The following NUP107 variants were observed in gnomAD, a reference collection of about 807,000 sequenced individuals.
The protein encoded by NUP107 is nuclear pore complex protein Nup107.
A neutral mutation model predicts 141.0 loss-of-function variants in NUP107; 101 were observed. That is an observed-to-expected ratio of 0.72 (90% CI 0.61 to 0.84). The LOEUF is 0.84. Among genes scored for constraint, NUP107 ranks in the 40% least tolerant of loss-of-function variants. The pLI is 0.00. For missense variants in NUP107, 941 were observed against 1,102.7 expected, an observed-to-expected ratio of 0.85 and a Z score of 2.08; for synonymous variants, 319 against 363.9, an observed-to-expected ratio of 0.88 and a Z score of 1.41.
intron 5 of NUP107, among the ~76,000 whole-genome samples, chr12:68,696,425 C>T (rs555700161): frequency 1.1e-3 from 159 of 141,776 alleles, no homozygotes; most frequent in African/African-American, 3.9e-3. Context: ...TTTAAATTTT[C>T]AAACAGGCTG....
At position 68,710,068 on chromosome 12, in the gene NUP107, G is replaced by T; in HGVS notation, c.865G>T (p.Glu289Ter). The T allele has an allele frequency of 6.3e-7, 1 of 1,579,780 alleles. No homozygotes were observed. The highest frequency in any genetic ancestry group is 1.1e-5 in the South Asian group (1 of 90,158). The change falls in exon 10 of 28, where the codon GAG becomes TAG. Residue 289 changes from glutamate to a stop codon, truncating the protein, a stop_gained. Transcript: ENST00000229179. LOFTEE classifies it high-confidence loss of function. Reference sequence around the variant, plus strand: ...AATTGGAGAATTTTCTGATAATATTGAGTTTTATGCAAAATCAGTATATTG... The same window carrying T: ...AATTGGAGAATTTTCTGATAATATTTAGTTTTATGCAAAATCAGTATATTG... The part of the protein sequence containing the change: ...DEIGEFSDNI[E>*]FYAKSVYWEN...
At chr12:68,729,363 A>G (rs1240713763) in intron 20 of NUP107, among the ~76,000 whole-genome samples, 2 of 152,156 alleles carry the variant, frequency 1.3e-5, no homozygotes, top group African/African-American at 2.4e-5. Context: ...AGATTCATAT[A>G]TATTTTATAG....
At chr12:68,706,671 G>T in intron 8 of NUP107, 1 of 730,720 alleles carries the variant, frequency 1.4e-6, no homozygotes, top group Non-Finnish European at 2.6e-6. Context: ...GGCAGTTAAG[G>T]ATGCCAACAC....
At chr12:68,716,236 TCTTTC>T (rs1565695709) in intron 12 of NUP107, among the ~76,000 whole-genome samples, 1 of 128,430 alleles carries the variant, frequency 7.8e-6, no homozygotes, top group Non-Finnish European at 1.7e-5. Context: ...TTTCTTTCTT[TCTTTC>T]TTTCTTTTTT....
intron 26 of NUP107, among the ~76,000 whole-genome samples, chr12:68,737,940 G>A (rs139571546): frequency 3.2e-4 from 48 of 152,194 alleles, no homozygotes; most frequent in Admixed American, 2.7e-3. Flanking sequence ...CCAGGAATTC[G>A]AGACCAGCCT....
chr12:68,700,887 CAT>C, intron 7 of NUP107, 34 bp downstream of exon 7: 1 of 1,517,878 alleles, frequency 6.6e-7, no homozygotes. Context: ...GTGAAATAAA[CAT>C]AAGGTAATAA....
chr12:68,701,266 A>G (rs1344017684), intron 7 of NUP107, among the ~76,000 whole-genome samples: 1 of 152,252 alleles, frequency 6.6e-6, no homozygotes. Flanking sequence ...AATGAGAAAT[A>G]TATACAACCA....
chr12:68,731,630 A>T lies in NUP107; in HGVS notation c.1909A>T (p.Lys637Ter), dbSNP rs1363831428. 1.3e-6 allele frequency: 2 copies of T among 1,571,112 alleles called. No individual in the cohort carries two copies. The highest frequency in any genetic ancestry group is 2.8e-5 in the African/African-American group (2 of 72,168). The change falls in exon 22 of 28, where the codon AAA becomes TAA. Residue 637 changes from lysine to a stop codon, truncating the protein, a stop_gained. Transcript: ENST00000229179. LOFTEE classifies it high-confidence loss of function. Reference sequence around the variant, plus strand: ...AGATTTGGATGTTGCAACAATAACAAAAACTGTAGTTGAGAATATTCGAAA... The same window carrying T: ...AGATTTGGATGTTGCAACAATAACATAAACTGTAGTTGAGAATATTCGAAA... ...EADLDVATIT[K>*]TVVENIRKKD...
rs1876394198 is a variant in NUP107 at position 68,702,770 on chromosome 12, G to A, written c.715G>A (p.Val239Ile). The A allele has an allele frequency of 6.5e-7, 1 of 1,534,346 alleles. No individual in the cohort carries two copies. Among genetic ancestry groups the A allele is most frequent in the Non-Finnish European group, 8.8e-7 (1 of 1,133,540 alleles). Residue 239 changes from valine (V) to isoleucine (I), a missense_variant, in exon 8 of 28, where the codon GTA (valine) becomes ATA (isoleucine). Physicochemically the swap from Val to Ile is conservative, Grantham distance 29. Transcript: ENST00000229179. Reference sequence around the variant, plus strand: ...ACAGTCTGCATTAGAAGAGGAAAGTGTATTCGCAGTTACTGTAAGTTTTAT... The same window carrying A: ...ACAGTCTGCATTAGAAGAGGAAAGTATATTCGCAGTTACTGTAAGTTTTAT... ...RIQSALEEES[V>I]FAVTAVNASE...
At chr12:68,701,004 G>A (rs1876303454) in intron 7 of NUP107, 151 bp downstream of exon 7, 1 of 706,076 alleles carries the variant, frequency 1.4e-6, no homozygotes, top group East Asian at 3.1e-5. Context: ...TCAAGAGTGA[G>A]TCAAGAGGGA....
At chr12:68,734,321 ATAAT>A (rs1339509541) in intron 24 of NUP107, among the ~76,000 whole-genome samples, 5 of 152,172 alleles carry the variant, frequency 3.3e-5, no homozygotes, top group Admixed American at 6.6e-5. Flanking sequence ...TATTCAATAA[ATAAT>A]TATGTAATTA....
chr12:68,713,336 C>G (rs868513371), intron 10 of NUP107, among the ~76,000 whole-genome samples: 1 of 148,172 alleles, frequency 6.7e-6, no homozygotes, highest in South Asian at 2.1e-4. Flanking sequence ...GATTGTGCCA[C>G]TGCACTTTAG....
At chr12:68,725,836 TG>T (rs377686999) in intron 18 of NUP107, 40 bp downstream of exon 18, 17 of 914,912 alleles carry the variant, frequency 1.9e-5, no homozygotes, top group Middle Eastern at 2.6e-4. Flanking sequence ...TTTTTGTGTG[TG>T]TTTTTTTTTT....
chr12:68,705,297 G>C (rs1177675866), intron 8 of NUP107, among the ~76,000 whole-genome samples: 6 of 152,054 alleles, frequency 3.9e-5, no homozygotes, highest in Admixed American at 2.6e-4. Context: ...TTATCTACAA[G>C]TAGTGATGAC....
At chr12:68,726,674 G>C in intron 19 of NUP107, 57 bp downstream of exon 19, 1 of 1,054,900 alleles carries the variant, frequency 9.5e-7, no homozygotes, top group Non-Finnish European at 1.4e-6. Context: ...TATACCTATT[G>C]TCAAGAAAAC....
intron 10 of NUP107, among the ~76,000 whole-genome samples, chr12:68,711,212 G>T (rs955732234): frequency 6.6e-6 from 1 of 152,150 alleles, no homozygotes; most frequent in South Asian, 2.1e-4. Context: ...TTAGCCAGGC[G>T]TGGTGGCGGG....
intron 24 of NUP107, among the ~76,000 whole-genome samples, chr12:68,734,146 A>ATG (rs1200579039): frequency 1.3e-5 from 2 of 152,110 alleles, no homozygotes; most frequent in African/African-American, 2.4e-5. Context: ...GCATGGTAGC[A>ATG]TGTACTTGTA....
rs778835803 is a variant in NUP107, at chr12:68,741,910, G to A, written c.2600G>A (p.Ser867Asn). ...LCFLLHTILH[S>N]TGQYQECLQL... ...TTTCTGCTTCATACGATATTGCACA[G>A]TACTGGTCAGTATCAGGAATGCCTA... is the stretch of plus-strand genomic sequence containing the variant. The change falls in exon 27 of 28, where the codon AGT becomes AAT. Residue 867 changes from serine (S) to asparagine (N), a missense_variant. Transcript: ENST00000229179. 9.9e-6 allele frequency: 16 copies of A among 1,613,676 alleles called. No homozygotes were observed. The highest frequency in any genetic ancestry group is 8.5e-7 in the Non-Finnish European group (1 of 1,179,786).
intron 2 of NUP107, 91 bp from the exon 3 acceptor site, chr12:68,689,442 A>T: frequency 1.3e-6 from 1 of 740,918 alleles, no homozygotes; most frequent in South Asian, 1.8e-5. Flanking sequence ...TGAAAAATGT[A>T]TTCACATAAT....
Sources: allele counts gnomAD v4.1 joint callset (sites outside exome capture counted in the v4.1 genomes callset), GRCh38; gene constraint gnomAD v4.1.1; transcripts MANE v1.5; gene names NCBI Gene and HGNC (gene_info 2026-07-23, HGNC 2026-07-21).